ZNF236: variants seen among roughly 807,000 people sequenced by gnomAD.
The protein encoded by ZNF236 is zinc finger protein 236, also known as regulated by glucose.
In ZNF236, 50 loss-of-function variants were observed where a neutral mutation model predicts 191.2. That is an observed-to-expected ratio of 0.26 (90% CI 0.21 to 0.33). The LOEUF (loss-of-function observed/expected upper bound fraction) is 0.33, where lower values mean the gene tolerates loss of function less well. Ranked by LOEUF, ZNF236 falls within the 10% of genes least tolerant of loss-of-function variation. The pLI, the probability that ZNF236 is intolerant of heterozygous loss-of-function variation, is 1.00. For missense variants in ZNF236, 1,754 were observed against 2,374.5 expected, an observed-to-expected ratio of 0.74 and a Z score of 5.43; for synonymous variants, 907 against 928.8, an observed-to-expected ratio of 0.98 and a Z score of 0.43.
At position 76,968,986 on chromosome 18, in the gene ZNF236, G is replaced by A. The variant is rs1362971072; in HGVS notation, c.*647G>A. 1.0e-6 allele frequency: 1 copy of A among 985,778 alleles called. No homozygotes were observed. Among genetic ancestry groups the A allele is most frequent in the African/African-American group, 1.7e-5 (1 of 57,202 alleles). 61.1% of individuals were successfully genotyped at this position (985,778 alleles called of 1,614,324 possible). On this transcript the variant is annotated 3_prime_UTR_variant, in exon 31 of 31. Coordinates refer to ENST00000320610, the MANE Select transcript of ZNF236 (RefSeq NM_001306089.2). The stretch of plus-strand genomic sequence containing the variant: ...GCAGTATCTGGGGCGTCAACATGGG[G>A]ACTCGAGTAAACCTGACCCACCAAT...
chr18:76,958,394 TG>T (rs1049592124), intron 28 of ZNF236, among the ~76,000 whole-genome samples: 3 of 152,156 alleles, frequency 2.0e-5, no homozygotes, highest in African/African-American at 7.2e-5. Context: ...CTGCGTGCAC[TG>T]TTCCCACCGC....
At chr18:76,947,027 T>C (rs1968280218) in intron 26 of ZNF236, among the ~76,000 whole-genome samples, 1 of 152,194 alleles carries the variant, frequency 6.6e-6, no homozygotes, top group Non-Finnish European at 1.5e-5. Context: ...CATCACTCCA[T>C]GTTCCCCCGA....
intron 1 of ZNF236, among the ~76,000 whole-genome samples, chr18:76,830,933 C>G (rs1465649765): frequency 6.6e-6 from 1 of 152,148 alleles, no homozygotes; most frequent in African/African-American, 2.4e-5. Flanking sequence ...TTAATACTTT[C>G]TTTTCTAGAG....
intron 27 of ZNF236, among the ~76,000 whole-genome samples, chr18:76,954,481 T>A (rs909041091): frequency 6.6e-6 from 1 of 152,258 alleles, no homozygotes; most frequent in Non-Finnish European, 1.5e-5. Flanking sequence ...TTTAGTGTCA[T>A]TTATTCCTGT....
chr18:76,925,129 G>T lies in ZNF236; in HGVS notation c.3662-60G>T. The T allele has an allele frequency of 6.4e-7, 1 of 1,573,930 alleles. No homozygotes were observed. On this transcript the variant is annotated intron_variant, in intron 21 of 30. Transcript: ENST00000320610. The surrounding 1 kb of genome is among the most constrained non-coding windows in gnomAD (Gnocchi z 5.7). ...ACATCCATAGTGACAGCTGAGTGGG[G>T]TGGGGGTGAGTGTCGCGACTGCCAT... is the stretch of plus-strand genomic sequence containing the variant.
intron 19 of ZNF236, among the ~76,000 whole-genome samples, chr18:76,916,224 G>A (rs550495797): frequency 6.6e-6 from 1 of 152,286 alleles, no homozygotes; most frequent in East Asian, 1.9e-4. Flanking sequence ...GTCTACTGAA[G>A]TTTATTACAG....
intron 1 of ZNF236, among the ~76,000 whole-genome samples, chr18:76,847,483 T>G (rs1975725259): frequency 6.6e-6 from 1 of 152,090 alleles, no homozygotes; most frequent in Admixed American, 6.6e-5. Flanking sequence ...TATTTTTTTT[T>G]TAGGCAGAGT....
chr18:76,890,169 T>C (rs537413274), intron 9 of ZNF236, among the ~76,000 whole-genome samples: 1 of 152,332 alleles, frequency 6.6e-6, no homozygotes, highest in African/African-American at 2.4e-5. Context: ...CCATATACCC[T>C]TCATCCATAT....
At chr18:76,840,269 T>G (rs1179631639) in intron 1 of ZNF236, among the ~76,000 whole-genome samples, 4 of 152,318 alleles carry the variant, frequency 2.6e-5, no homozygotes, top group African/African-American at 7.2e-5. Flanking sequence ...CCGAGGCGGA[T>G]GGATCACCTG....
At chr18:76,860,279 A>T (rs1976175335) in intron 3 of ZNF236, among the ~76,000 whole-genome samples, 1 of 152,118 alleles carries the variant, frequency 6.6e-6, no homozygotes. Context: ...GGACGACATG[A>T]AGGGCAAAGA....
intron 28 of ZNF236, among the ~76,000 whole-genome samples, chr18:76,958,653 G>A (rs895841534): frequency 2.0e-5 from 3 of 152,198 alleles, no homozygotes; most frequent in Non-Finnish European, 2.9e-5. Context: ...CGGAGTGGGG[G>A]AGGAATGCAC....
intron 9 of ZNF236, among the ~76,000 whole-genome samples, chr18:76,889,947 A>T (rs1432722281): frequency 6.6e-6 from 1 of 152,154 alleles, no homozygotes; most frequent in Non-Finnish European, 1.5e-5. Flanking sequence ...TTTCCACTTG[A>T]TATCTTATTT....
chr18:76,857,071 C>A (rs1378232044), intron 3 of ZNF236, among the ~76,000 whole-genome samples: 1 of 152,016 alleles, frequency 6.6e-6, no homozygotes, highest in Non-Finnish European at 1.5e-5. Flanking sequence ...TGGACCACTT[C>A]TCTCGCAGGG....
At chr18:76,874,044 C>T (rs923788837) in intron 5 of ZNF236, among the ~76,000 whole-genome samples, 1 of 151,290 alleles carries the variant, frequency 6.6e-6, no homozygotes, top group African/African-American at 2.4e-5. Flanking sequence ...TCTCCTGTCC[C>T]CACGCAGGCA....
rs890264501 is a variant in ZNF236 at position 76,919,029 on chromosome 18, G to C, written c.3275-747G>C. ...TTTATAGTAATTGTTTTTAGTTGGG[G>C]GCTGTTTGCTAATTTATTAATTTGG... On this transcript the variant is annotated intron_variant, in intron 19 of 30. Transcript: ENST00000320610. This position sits in a 1 kb window ranked among gnomAD's most constrained non-coding sequence, Gnocchi z 5.3. 6.6e-6 allele frequency among the ~76,000 whole-genome samples: 1 copy of C among 152,014 alleles called. No homozygotes were observed. The highest frequency in any genetic ancestry group is 2.4e-5 in the African/African-American group (1 of 41,390).
intron 27 of ZNF236, among the ~76,000 whole-genome samples, chr18:76,948,964 G>A (rs1968339990): frequency 6.6e-6 from 1 of 152,216 alleles, no homozygotes; most frequent in Non-Finnish European, 1.5e-5. Context: ...ATAGCAGGAT[G>A]TTCCAGGGGC....
At chr18:76,943,811 C>T (rs1968195798) in intron 26 of ZNF236, among the ~76,000 whole-genome samples, 1 of 152,132 alleles carries the variant, frequency 6.6e-6, no homozygotes. Context: ...TTCTACAAGT[C>T]GTTCATATTT....
intron 26 of ZNF236, among the ~76,000 whole-genome samples, chr18:76,937,550 A>G (rs1968035381): frequency 6.6e-6 from 1 of 152,210 alleles, no homozygotes; most frequent in Non-Finnish European, 1.5e-5. Flanking sequence ...AAGGTAAAAC[A>G]TAAAACCCAA....
chr18:76,916,169 A>G (rs969402263), intron 19 of ZNF236, among the ~76,000 whole-genome samples: 1 of 152,196 alleles, frequency 6.6e-6, no homozygotes, highest in African/African-American at 2.4e-5. Context: ...TGTTTTTAAC[A>G]AATATGGTAT....
Sources: allele counts gnomAD v4.1 joint callset (sites outside exome capture counted in the v4.1 genomes callset), GRCh38; gene constraint gnomAD v4.1.1; non-coding constraint Gnocchi (gnomAD v3.1); transcripts MANE v1.5; gene names NCBI Gene and HGNC (gene_info 2026-07-23, HGNC 2026-07-21).